The following GOLGA8B variants were observed in gnomAD, a reference collection of about 807,000 sequenced individuals.
GOLGA8B encodes the protein golgin subfamily A member 8B.
Under a neutral mutation model 15.6 loss-of-function variants are expected in GOLGA8B, and 1 was observed. The ratio of observed to expected loss-of-function variants is 0.06; its 90% confidence interval spans 0.02 to 0.30. The LOEUF (loss-of-function observed/expected upper bound fraction) is 0.30. Among genes scored for constraint, GOLGA8B ranks in the 10% least tolerant of loss-of-function variants. The probability of loss-of-function intolerance (pLI) is 1.00; values close to 1 mark genes in which losing one functional copy is unlikely to be tolerated. For synonymous variants in GOLGA8B, 9 were observed against 80.3 expected (o/e 0.11, Z 4.75); for missense variants, 17 against 201.3 (o/e 0.08, Z 5.54).
rs188540036 is a variant in GOLGA8B, at chr15:34,526,203, G to T, written c.*1429C>A. 59 of 150,026 alleles carry T rather than the reference G, an allele frequency of 3.9e-4. 3 individuals are homozygous for T. The highest frequency in any genetic ancestry group is 1.4e-3 in the African/African-American group (57 of 40,660). 9.3% of individuals were successfully genotyped at this position (150,026 alleles called of 1,614,324 possible). On this transcript the variant is annotated 3_prime_UTR_variant, in exon 24 of 24. Transcript: ENST00000683415. ...CTGCGATCGTATAGACATGTTTCCT[G>T]ATAATACATTGACATTCACAAACAG...
rs1888082571 is a variant in GOLGA8B at position 34,527,418 on chromosome 15, G to GC, written c.*213dup. 1.6e-6 allele frequency: 1 copy of GC among 623,694 alleles called. No homozygotes were observed. The highest frequency in any genetic ancestry group is 2.5e-6 in the Non-Finnish European group (1 of 402,936). 38.6% of individuals were successfully genotyped at this position (623,694 alleles called of 1,614,324 possible). On this transcript the variant is annotated 3_prime_UTR_variant, in exon 24 of 24. Coordinates refer to ENST00000683415, the MANE Select transcript of GOLGA8B (RefSeq NM_001023567.5). The stretch of plus-strand genomic sequence containing the variant: ...AATTATGAAATGAAAAAAGAAAAAT[G>GC]CTAAAGGATGCCAGAGTGAACATCA...
At chr15:34,571,578 T>A in intron 1 of GOLGA8B, among the ~76,000 whole-genome samples, 2 of 145,056 alleles carry the variant, frequency 1.4e-5, no homozygotes, top group African/African-American at 2.5e-5. Flanking sequence ...AACAGAGAGG[T>A]CAAAGTGGCT....
chr15:34,573,047 C>G (rs1888964171), intron 1 of GOLGA8B, among the ~76,000 whole-genome samples: 1 of 152,076 alleles, frequency 6.6e-6, no homozygotes. Flanking sequence ...CCCAGGAGTT[C>G]AAGTCCAGCC....
rs148357009 is a variant in GOLGA8B, at chr15:34,573,113, G to A, written c.-1123+10403C>T. The stretch of plus-strand genomic sequence containing the variant: ...AAATGCAAAACAAAAACTACAGATG[G>A]CAGATCTATTTAATGATTAGCTCTG... On this transcript the variant is annotated intron_variant, in intron 1 of 23. Transcript: ENST00000683415. 5.4e-3 allele frequency among the ~76,000 whole-genome samples: 824 copies of A among 152,300 alleles called. 9 individuals carry two copies. Among genetic ancestry groups the A allele is most frequent in the African/African-American group, 0.019 (777 of 41,544 alleles).
rs144852123 is a variant in GOLGA8B, at chr15:34,580,583, G to T, written c.-1123+2933C>A. 9.0e-4 allele frequency among the ~76,000 whole-genome samples: 137 copies of T among 152,274 alleles called. 2 individuals are homozygous for T. In the Middle Eastern group the frequency reaches 0.024, roughly 26 times the overall value. On this transcript the variant is annotated intron_variant, in intron 1 of 23. Coordinates refer to ENST00000683415, the MANE Select transcript of GOLGA8B (RefSeq NM_001023567.5). Reference sequence around the variant, plus strand: ...GGAGAGAGGGGAGGATTGGCTTCAGGAGAGGCGAGAAGCGACAGTGCCCAT... The same window carrying T: ...GGAGAGAGGGGAGGATTGGCTTCAGTAGAGGCGAGAAGCGACAGTGCCCAT...
intron 1 of GOLGA8B, among the ~76,000 whole-genome samples, chr15:34,580,174 C>T (rs559632996): frequency 6.6e-6 from 1 of 152,178 alleles, no homozygotes; most frequent in Admixed American, 6.5e-5. Context: ...TTAGGATCTC[C>T]GGGATGGACA....
At chr15:34,565,047 A>T (rs1391633585) in intron 1 of GOLGA8B, among the ~76,000 whole-genome samples, 1 of 143,680 alleles carries the variant, frequency 7.0e-6, no homozygotes, top group African/African-American at 2.5e-5. Flanking sequence ...GCTACGGAGA[A>T]GGTGGTTGAG....
intron 1 of GOLGA8B, 127 bp from the exon 2 acceptor site, chr15:34,554,083 T>C (rs1395751812): frequency 7.0e-6 from 1 of 142,148 alleles, no homozygotes; most frequent in Non-Finnish European, 1.5e-5. Flanking sequence ...CAGTCCCCAC[T>C]TGGCTGTGCT....
At position 34,572,141 on chromosome 15, in the gene GOLGA8B, A is replaced by G. The variant is rs182320424; in HGVS notation, c.-1123+11375T>C. Among the ~76,000 whole-genome samples the G allele has an allele frequency of 2.0e-5, 3 of 152,386 alleles. No individual in the cohort carries two copies. In the East Asian group the frequency reaches 5.8e-4, roughly 29 times the overall value. On this transcript the variant is annotated intron_variant, in intron 1 of 23. Coordinates refer to ENST00000683415, the MANE Select transcript of GOLGA8B (RefSeq NM_001023567.5). Reference sequence around the variant, plus strand: ...ACCCACATGACTGAATGAAACACAAAGACTGATCATGTCCAGAGAGTGTCG... The same window carrying G: ...ACCCACATGACTGAATGAAACACAAGGACTGATCATGTCCAGAGAGTGTCG...
chr15:34,565,671 C>CTT (rs756386290), intron 1 of GOLGA8B, among the ~76,000 whole-genome samples: 2 of 1,842 alleles, frequency 1.1e-3, no homozygotes, highest in East Asian at 8.5e-3. Flanking sequence ...TTCTTTCTTT[C>CTT]TTTCTTTCTT....
intron 1 of GOLGA8B, chr15:34,581,338 C>G (rs1337288056): frequency 6.6e-6 from 1 of 152,552 alleles, no homozygotes; most frequent in South Asian, 2.1e-4. Flanking sequence ...CAAACAAAGC[C>G]CAGCCTTATG....
At chr15:34,554,331 AGTGCACATGT>A (rs1197507218) in intron 1 of GOLGA8B, among the ~76,000 whole-genome samples, 1 of 152,286 alleles carries the variant, frequency 6.6e-6, no homozygotes, top group Non-Finnish European at 1.5e-5. Flanking sequence ...TGTCACCTGC[AGTGCACATGT>A]GTGCATGTGT....
At chr15:34,564,841 T>A (rs1888717342) in intron 1 of GOLGA8B, among the ~76,000 whole-genome samples, 1 of 144,120 alleles carries the variant, frequency 6.9e-6, no homozygotes, top group South Asian at 2.2e-4. Context: ...TCCTGTGTCA[T>A]GCCATGGAGT....
At chr15:34,574,162 T>C (rs868042678) in intron 1 of GOLGA8B, among the ~76,000 whole-genome samples, 11 of 152,242 alleles carry the variant, frequency 7.2e-5, no homozygotes, top group Admixed American at 4.6e-4. Flanking sequence ...AATTCAGGTT[T>C]GGGAAATCAG....
intron 1 of GOLGA8B, among the ~76,000 whole-genome samples, chr15:34,554,338 ATGTGTGCATG>A (rs1407873825): frequency 3.9e-5 from 6 of 152,198 alleles, no homozygotes; most frequent in South Asian, 2.1e-4. Flanking sequence ...TGCAGTGCAC[ATGTGTGCATG>A]TGTGTGCATA....
At chr15:34,581,860 C>T (rs1241254019) in intron 1 of GOLGA8B, among the ~76,000 whole-genome samples, 2 of 152,172 alleles carry the variant, frequency 1.3e-5, no homozygotes, top group Non-Finnish European at 2.9e-5. Flanking sequence ...TGCCCCATTG[C>T]TACTGCCATC....
Position 34,559,406 on chromosome 15 carries a change from T to C in GOLGA8B, c.-1122-5450A>G, listed in dbSNP as rs1171353598. Among the ~76,000 whole-genome samples, 6 of 141,654 alleles carry C rather than the reference T, an allele frequency of 4.2e-5. 1 individual carries two copies. In the East Asian group the frequency reaches 1.1e-3, roughly 26 times the overall value. 92.9% of individuals were successfully genotyped at this position (141,654 alleles called of 152,430 possible). A position where few individuals can be genotyped will look rare whatever the true frequency, so the allele number is the denominator to read the frequency against. On this transcript the variant is annotated intron_variant, in intron 1 of 23. Coordinates refer to ENST00000683415, the MANE Select transcript of GOLGA8B (RefSeq NM_001023567.5). ...CTACACCTAAAAATGGTTAAGATGATAAATTTTACATTATGTATATTTACC... is the reference window on the plus strand; with the variant it reads ...CTACACCTAAAAATGGTTAAGATGACAAATTTTACATTATGTATATTTACC...
At chr15:34,583,145 C>T (rs926059350) in intron 1 of GOLGA8B, among the ~76,000 whole-genome samples, 1 of 152,018 alleles carries the variant, frequency 6.6e-6, no homozygotes, top group Non-Finnish European at 1.5e-5. Context: ...AACGCACCAG[C>T]GGCCCGGCCA....
chr15:34,574,246 G>C (rs1809194030), intron 1 of GOLGA8B, among the ~76,000 whole-genome samples: 1 of 151,698 alleles, frequency 6.6e-6, no homozygotes, highest in Admixed American at 6.6e-5. Context: ...TAATCGCAGA[G>C]GTGCTCTCCA....
Sources: allele counts gnomAD v4.1 joint callset (sites outside exome capture counted in the v4.1 genomes callset), GRCh38; gene constraint gnomAD v4.1.1; transcripts MANE v1.5; gene names NCBI Gene and HGNC (gene_info 2026-07-23, HGNC 2026-07-21).